KCNK2: variants seen among roughly 807,000 people sequenced by gnomAD.
KCNK2 encodes the protein potassium channel subfamily K member 2.
KCNK2 carries 21 observed loss-of-function variants against 40.5 expected under a neutral mutation model. The observed-to-expected ratio is 0.52, with a 90% CI of 0.37 to 0.75. KCNK2 has a LOEUF of 0.75. KCNK2 is among the 30% of genes least tolerant of loss of function. The probability of loss-of-function intolerance (pLI) is 0.00; values close to 1 mark genes in which losing one functional copy is unlikely to be tolerated. For synonymous variants in KCNK2, 191 were observed against 202.2 expected, an observed-to-expected ratio of 0.94 and a Z score of 0.47; for missense variants, 399 against 531.6, an observed-to-expected ratio of 0.75 and a Z score of 2.45.
At chr1:215,163,624 A>C (rs1663308380) in intron 3 of KCNK2, among the ~76,000 whole-genome samples, 1 of 152,120 alleles carries the variant, frequency 6.6e-6, no homozygotes, top group Non-Finnish European at 1.5e-5. Flanking sequence ...AGTTTTTAGC[A>C]TGAAGGGGAG....
chr1:215,041,726 G>A (rs1172608590), intron 1 of KCNK2, among the ~76,000 whole-genome samples: 1 of 152,162 alleles, frequency 6.6e-6, no homozygotes, highest in Non-Finnish European at 1.5e-5. Context: ...ATTTTCAGGT[G>A]AGCCAATAAG....
chr1:215,083,203 C>T lies in KCNK2; in HGVS notation c.-183C>T. 5 of 804,896 alleles carry T rather than the reference C, an allele frequency of 6.2e-6. No homozygotes were observed. The highest frequency in any genetic ancestry group is 3.0e-5 in the South Asian group (2 of 65,590). 49.9% of individuals were successfully genotyped at this position (804,896 alleles called of 1,614,324 possible). A position where few individuals can be genotyped will look rare whatever the true frequency, so the allele number is the denominator to read the frequency against. On this transcript the variant is annotated 5_prime_UTR_variant, in exon 1 of 7. Coordinates refer to ENST00000444842, the MANE Select transcript of KCNK2 (RefSeq NM_001017425.3). ...TCGTTTCTTCTCACGCTCCCCCCCC[C>T]GCCCCCTCCCGCGTCCAGCCCCGCT...
chr1:215,195,219 TGAATTTGCTGTATTAGGCTATGA>T, intron 6 of KCNK2, 127 bp downstream of exon 6: 1 of 776,856 alleles, frequency 1.3e-6, no homozygotes, highest in Non-Finnish European at 1.9e-6. Context: ...CTATTTGGCA[TGAATTTGCTGTATTAGGCTATGA>T]GCAAATATAT....
rs112724475 is a variant in KCNK2, at chr1:215,030,893, C to T, written c.34+24938C>T. Among the ~76,000 whole-genome samples, 1,389 of 152,052 alleles carry T rather than the reference C, an allele frequency of 9.1e-3. 25 individuals are homozygous for T. The highest frequency in any genetic ancestry group is 0.032 in the African/African-American group (1,314 of 41,482). ...GTTTTATAGTTCTGTGTTTTACATT[C>T]GGTTCTGTGATTTCTTTTGGGTTTT... is the stretch of plus-strand genomic sequence containing the variant. On this transcript the variant is annotated intron_variant, in intron 1 of 6. Coordinates refer to the KCNK2 transcript ENST00000391895.
chr1:215,208,086 A>G (rs183308492), intron 6 of KCNK2, among the ~76,000 whole-genome samples: 1 of 152,216 alleles, frequency 6.6e-6, no homozygotes, highest in East Asian at 1.9e-4. Flanking sequence ...GTTCACTGCA[A>G]CACTATTCAC....
intron 5 of KCNK2, among the ~76,000 whole-genome samples, chr1:215,188,631 C>G (rs1027109121): frequency 1.3e-5 from 2 of 152,028 alleles, no homozygotes; most frequent in African/African-American, 2.4e-5. Context: ...AGTAGAGACC[C>G]TCTAGAAAAC....
chr1:215,029,076 A>C (rs7523487), intron 1 of KCNK2, among the ~76,000 whole-genome samples: 1 of 151,896 alleles, frequency 6.6e-6, no homozygotes, highest in Non-Finnish European at 1.5e-5. Flanking sequence ...GCTTCCCGCA[A>C]TATCAACATC....
At chr1:215,231,971 A>T (rs539322714) in intron 6 of KCNK2, among the ~76,000 whole-genome samples, 3 of 152,174 alleles carry the variant, frequency 2.0e-5, no homozygotes, top group Non-Finnish European at 2.9e-5. Flanking sequence ...CAGTGATTCA[A>T]TTACCTCCCA....
intron 1 of KCNK2, among the ~76,000 whole-genome samples, chr1:215,068,162 T>G (rs1361312441): frequency 1.3e-5 from 2 of 151,998 alleles, no homozygotes; most frequent in East Asian, 3.9e-4. Flanking sequence ...GAGTGTTTAG[T>G]GTAGTACTAT....
intron 3 of KCNK2, among the ~76,000 whole-genome samples, chr1:215,154,872 G>A (rs556656601): frequency 2.6e-5 from 4 of 152,122 alleles, no homozygotes; most frequent in South Asian, 2.1e-4. Context: ...CAGATTTGTC[G>A]AAGATCAGAT....
intron 3 of KCNK2, among the ~76,000 whole-genome samples, chr1:215,153,629 A>T (rs1020528340): frequency 4.0e-4 from 60 of 150,440 alleles, no homozygotes; most frequent in Admixed American, 9.3e-4. Context: ...AATTTTTTTT[A>T]AATTTTACTT....
chr1:215,235,187 C>T lies in KCNK2; in HGVS notation c.*42C>T, dbSNP rs771340157. 6.7e-7 allele frequency: 1 copy of T among 1,490,228 alleles called. No individual in the cohort carries two copies. The highest frequency in any genetic ancestry group is 1.2e-5 in the South Asian group (1 of 83,560). 92.3% of individuals were successfully genotyped at this position (1,490,228 alleles called of 1,614,324 possible). ...CCTTAGGCATAGCCATAGGTGAGGA[C>T]TTCTCTATGCTCTTTATGACTGTTG... is the stretch of plus-strand genomic sequence containing the variant. On this transcript the variant is annotated 3_prime_UTR_variant, in exon 7 of 7. Transcript: ENST00000444842.
At chr1:215,091,881 T>C (rs1431419454) in intron 2 of KCNK2, among the ~76,000 whole-genome samples, 1 of 152,158 alleles carries the variant, frequency 6.6e-6, no homozygotes, top group African/African-American at 2.4e-5. Context: ...GTTCCTGGCA[T>C]GTAGAAGAAC....
chr1:215,186,783 C>G (rs1183337348), intron 5 of KCNK2, among the ~76,000 whole-genome samples: 1 of 152,166 alleles, frequency 6.6e-6, no homozygotes, highest in African/African-American at 2.4e-5. Flanking sequence ...TTTCTGTTCT[C>G]TCTCAGTGCT....
chr1:215,068,144 A>G (rs1658623043), intron 1 of KCNK2, among the ~76,000 whole-genome samples: 3 of 149,588 alleles, frequency 2.0e-5, no homozygotes, highest in East Asian at 2.0e-4. Flanking sequence ...TTAATCACCC[A>G]CTCTCTGGAG....
In KCNK2 at chr1:215,184,491, C is replaced by A. The variant is rs141508057; in HGVS notation, c.824-10462C>A. Among the ~76,000 whole-genome samples the A allele has an allele frequency of 5.3e-5, 8 of 152,182 alleles. No individual in the cohort carries two copies. In the East Asian group the frequency reaches 1.5e-3, roughly 29 times the overall value. On this transcript the variant is annotated intron_variant, in intron 5 of 6. Coordinates refer to ENST00000444842, the MANE Select transcript of KCNK2 (RefSeq NM_001017425.3). ...TTCTCACGCTGCTAATAAAGACATA[C>A]CTGAGACTGGGTAATTTATAAAGGA...
chr1:215,093,835 ATATATT>A (rs1659848732), intron 2 of KCNK2, among the ~76,000 whole-genome samples: 3 of 50,846 alleles, frequency 5.9e-5, no homozygotes, highest in East Asian at 5.5e-4. Context: ...TATATATAAA[ATATATT>A]ATATATTATA....
At chr1:215,170,893 T>C (rs1368337920) in intron 4 of KCNK2, among the ~76,000 whole-genome samples, 1 of 152,094 alleles carries the variant, frequency 6.6e-6, no homozygotes, top group Admixed American at 6.6e-5. Context: ...ATAAAAAAAG[T>C]TCCATGCCCT....
chr1:215,040,835 A>G (rs943801458), intron 1 of KCNK2, among the ~76,000 whole-genome samples: 1 of 152,144 alleles, frequency 6.6e-6, no homozygotes, highest in Non-Finnish European at 1.5e-5. Flanking sequence ...TTCAAATCCA[A>G]CATTTGACAG....
Sources: allele counts gnomAD v4.1 joint callset (sites outside exome capture counted in the v4.1 genomes callset), GRCh38; gene constraint gnomAD v4.1.1; transcripts MANE v1.5; gene names NCBI Gene and HGNC (gene_info 2026-07-23, HGNC 2026-07-21).